Variants in TTLL13 observed in about 807,000 individuals in gnomAD.
TTLL13 encodes tubulin polyglutamylase TTLL13.
At chr15:90,256,899 G>A in the TTLL13 span, among the ~76,000 whole-genome samples, 2 of 151,912 alleles carry the variant, frequency 1.3e-5, no homozygotes, top group Non-Finnish European at 2.9e-5. Flanking sequence ...TCTTGGCCAG[G>A]CTGGTCTTGA....
chr15:90,257,527 A>G, the TTLL13 span: 1 of 1,081,774 alleles, frequency 9.2e-7, no homozygotes, highest in Non-Finnish European at 1.4e-6. Context: ...GTGGAGAGAG[A>G]CAGGAGACGA....
the TTLL13 span, among the ~76,000 whole-genome samples, chr15:90,249,986 C>A: frequency 8.0e-6 from 1 of 125,072 alleles, no homozygotes; most frequent in Non-Finnish European, 1.7e-5. Context: ...GAGACAGACT[C>A]TTGCTCTGTC....
chr15:90,251,591 A>G, the TTLL13 span: 4 of 1,613,924 alleles, frequency 2.5e-6, no homozygotes, highest in Non-Finnish European at 3.4e-6. Flanking sequence ...CAAGTATGAG[A>G]GTGGTAAGCA....
At chr15:90,261,535 A>G in the TTLL13 span, among the ~76,000 whole-genome samples, 1 of 152,000 alleles carries the variant, frequency 6.6e-6, no homozygotes, top group Non-Finnish European at 1.5e-5. Context: ...GCTCACACCT[A>G]TAATCCCAGC....
chr15:90,261,541 C>T, the TTLL13 span, among the ~76,000 whole-genome samples: 1 of 151,984 alleles, frequency 6.6e-6, no homozygotes, highest in African/African-American at 2.4e-5. Flanking sequence ...ACCTATAATC[C>T]CAGCACTTTG....
chr15:90,262,270 A>G, the TTLL13 span: 2 of 1,379,786 alleles, frequency 1.4e-6, no homozygotes, highest in Non-Finnish European at 9.6e-7. Flanking sequence ...GCAGGGAAAG[A>G]GGAAGCCAGA....
At chr15:90,258,695 C>G in the TTLL13 span, 1 of 1,527,604 alleles carries the variant, frequency 6.5e-7, no homozygotes, top group Non-Finnish European at 9.1e-7. Flanking sequence ...AGGCCACCAC[C>G]TGCTCAGGTG....
chr15:90,260,850 C>CAA, the TTLL13 span, among the ~76,000 whole-genome samples: 433 of 60,148 alleles, frequency 7.2e-3, 6 homozygotes, highest in African/African-American at 0.021. Context: ...GACTCTGTCT[C>CAA]AAAAAAAAAA....
the TTLL13 span, chr15:90,256,444 T>A: frequency 2.7e-5 from 27 of 1,015,534 alleles, no homozygotes; most frequent in Non-Finnish European, 3.7e-5. Context: ...CAGCCATGGT[T>A]CAGAACCAGC....
chr15:90,257,074 A>T, the TTLL13 span: 2 of 1,481,226 alleles, frequency 1.4e-6, no homozygotes, highest in Non-Finnish European at 1.8e-6. Flanking sequence ...TGAAGCACTT[A>T]GAACAGCACA....
chr15:90,253,755 T>C, the TTLL13 span, among the ~76,000 whole-genome samples: 2 of 152,172 alleles, frequency 1.3e-5, no homozygotes, highest in Non-Finnish European at 2.9e-5. Context: ...CCACATCCAT[T>C]AGGAGACTGC....
At chr15:90,257,935 A>G in the TTLL13 span, 1 of 1,179,720 alleles carries the variant, frequency 8.5e-7, no homozygotes, top group Non-Finnish European at 1.2e-6. Context: ...GCAGCCCTTC[A>G]AAGCCCGGGC....
the TTLL13 span, among the ~76,000 whole-genome samples, chr15:90,260,509 TA>T: frequency 6.7e-6 from 1 of 150,258 alleles, no homozygotes; most frequent in Admixed American, 6.6e-5. Context: ...AAAATTAAAT[TA>T]AAAAATAAAA....
At chr15:90,265,343 C>T in the TTLL13 span, 1 of 1,223,382 alleles carries the variant, frequency 8.2e-7, no homozygotes, top group Non-Finnish European at 1.0e-6. Flanking sequence ...ACTGGGCTGT[C>T]GCCGTCAGAA....
chr15:90,258,754 T>C, the TTLL13 span: 2 of 1,614,084 alleles, frequency 1.2e-6, no homozygotes, highest in African/African-American at 2.7e-5. Context: ...TAAACCACTC[T>C]CCAAGCTTTA....
chr15:90,265,317 G>C, the TTLL13 span: 1 of 1,209,128 alleles, frequency 8.3e-7, no homozygotes, highest in Non-Finnish European at 1.0e-6. Flanking sequence ...TCCCAGAGAA[G>C]CCGAGTGCCC....
chr15:90,257,486 C>G, the TTLL13 span: 9 of 962,664 alleles, frequency 9.3e-6, no homozygotes, highest in East Asian at 2.6e-5. Context: ...ACACACTCTT[C>G]CCCAGGATCA....
chr15:90,253,396 A>G, the TTLL13 span: 4 of 1,559,790 alleles, frequency 2.6e-6, no homozygotes, highest in Non-Finnish European at 3.5e-6. Context: ...GAGAGCCGAC[A>G]GGGGCTAGGG....
the TTLL13 span, chr15:90,263,787 G>T: frequency 1.4e-6 from 1 of 703,988 alleles, no homozygotes; most frequent in South Asian, 1.5e-5. Flanking sequence ...TGAAATCTAT[G>T]AGTCTGGTCC....
Sources: gnomAD v4.1 joint callset for allele counts (sites outside exome capture counted in the v4.1 genomes callset) on GRCh38, gnomAD v4.1.1 for gene constraint, MANE v1.5 for transcripts, NCBI Gene and HGNC (gene_info 2026-07-23, HGNC 2026-07-21) for gene names.